The following KIF26B variants were observed in gnomAD, a reference collection of about 807,000 sequenced individuals.
The protein encoded by KIF26B is kinesin-like protein KIF26B.
A neutral mutation model predicts 151.2 loss-of-function variants in KIF26B; 63 were observed. The ratio of observed to expected loss-of-function variants is 0.42; its 90% confidence interval spans 0.34 to 0.51. The LOEUF (loss-of-function observed/expected upper bound fraction) is 0.51. Ranked by LOEUF, KIF26B falls within the 20% of genes least tolerant of loss-of-function variation. The pLI is 0.07. For synonymous variants in KIF26B, 1,357 were observed against 1,262.1 expected (o/e 1.08, Z -1.59); for missense variants, 2,813 against 2,913.6 (o/e 0.97, Z 0.79).
At chr1:245,345,935 CTT>C (rs773751148) in intron 2 of KIF26B, among the ~76,000 whole-genome samples, 26 of 123,588 alleles carry the variant, frequency 2.1e-4, no homozygotes, top group Non-Finnish European at 1.7e-4. Flanking sequence ...TTCTTTCTTT[CTT>C]TTTTTTTTTT....
At chr1:245,505,140 G>A (rs1312497894) in intron 4 of KIF26B, among the ~76,000 whole-genome samples, 1 of 151,520 alleles carries the variant, frequency 6.6e-6, no homozygotes, top group Non-Finnish European at 1.5e-5. Flanking sequence ...GTTTCACCAT[G>A]TTGGCCAGGC....
intron 3 of KIF26B, among the ~76,000 whole-genome samples, chr1:245,411,474 G>C (rs566647361): frequency 6.6e-6 from 1 of 152,314 alleles, no homozygotes; most frequent in Admixed American, 6.5e-5. Flanking sequence ...CCTCCTCAGT[G>C]AGTCATTTCA....
chr1:245,341,230 GTCT>G (rs1448524693), intron 2 of KIF26B, among the ~76,000 whole-genome samples: 9 of 150,812 alleles, frequency 6.0e-5, no homozygotes, highest in Non-Finnish European at 1.3e-4. Flanking sequence ...CTAAAGGGAA[GTCT>G]TCTTCAGTCT....
chr1:245,336,987 G>GGT (rs1220852393), intron 2 of KIF26B, among the ~76,000 whole-genome samples: 1 of 152,144 alleles, frequency 6.6e-6, no homozygotes, highest in Non-Finnish European at 1.5e-5. Flanking sequence ...TCTTTCTGCA[G>GGT]GTTTGTGACT....
At chr1:245,613,157 G>A (rs528127136) in intron 9 of KIF26B, among the ~76,000 whole-genome samples, 26 of 152,244 alleles carry the variant, frequency 1.7e-4, no homozygotes, top group African/African-American at 5.5e-4. Flanking sequence ...GGCTCCCAGC[G>A]CTTTCTGCAT....
intron 10 of KIF26B, among the ~76,000 whole-genome samples, chr1:245,677,063 C>G (rs559368574): frequency 6.6e-6 from 1 of 152,320 alleles, no homozygotes; most frequent in African/African-American, 2.4e-5. Flanking sequence ...AAAAAGAGAT[C>G]GATGAGCAAA....
chr1:245,690,872 T>C (rs1217042694), intron 12 of KIF26B, among the ~76,000 whole-genome samples: 1 of 152,236 alleles, frequency 6.6e-6, no homozygotes, highest in African/African-American at 2.4e-5. Context: ...CCGTGTAACG[T>C]AGCAGCTTCT....
chr1:245,347,405 T>A (rs915818264), intron 2 of KIF26B, among the ~76,000 whole-genome samples: 2 of 152,066 alleles, frequency 1.3e-5, no homozygotes, highest in African/African-American at 4.8e-5. Flanking sequence ...CCTGTAGCCT[T>A]GAACTCCTGG....
At chr1:245,243,180 A>G (rs1054617379) in intron 2 of KIF26B, among the ~76,000 whole-genome samples, 1 of 152,194 alleles carries the variant, frequency 6.6e-6, no homozygotes, top group African/African-American at 2.4e-5. Context: ...CCAGTTGGAC[A>G]TGCCCATCCT....
intron 2 of KIF26B, among the ~76,000 whole-genome samples, chr1:245,331,578 G>A (rs145288762): frequency 1.6e-3 from 251 of 152,268 alleles, no homozygotes; most frequent in African/African-American, 5.7e-3. Context: ...TCCAGGGAGC[G>A]TGGGACTGTC....
intron 2 of KIF26B, among the ~76,000 whole-genome samples, chr1:245,189,100 T>A (rs1669050301): frequency 1.3e-5 from 2 of 152,172 alleles, no homozygotes; most frequent in Admixed American, 1.3e-4. Context: ...TTCGGGAAGA[T>A]GAAAAAGTTC....
At chr1:245,648,877 T>C (rs2043982061) in intron 10 of KIF26B, among the ~76,000 whole-genome samples, 1 of 152,128 alleles carries the variant, frequency 6.6e-6, no homozygotes, top group Admixed American at 6.5e-5. Flanking sequence ...TTCCATGCAG[T>C]GTCAGCACAA....
At chr1:245,578,207 A>G (rs935945656) in intron 5 of KIF26B, among the ~76,000 whole-genome samples, 1 of 152,256 alleles carries the variant, frequency 6.6e-6, no homozygotes, top group African/African-American at 2.4e-5. Context: ...TTTAGGGGAA[A>G]GAACAGAAGA....
intron 2 of KIF26B, among the ~76,000 whole-genome samples, chr1:245,199,795 A>G (rs1236382755): frequency 6.8e-6 from 1 of 148,134 alleles, no homozygotes; most frequent in Non-Finnish European, 1.5e-5. Flanking sequence ...ATGTATCCAC[A>G]TATCTACTCA....
intron 2 of KIF26B, among the ~76,000 whole-genome samples, chr1:245,292,143 C>T (rs142071327): frequency 3.3e-5 from 5 of 152,302 alleles, no homozygotes; most frequent in East Asian, 1.9e-4. Flanking sequence ...CTCTACCCAG[C>T]GGGGTGTGAG....
intron 4 of KIF26B, among the ~76,000 whole-genome samples, chr1:245,508,896 ACTTTTT>A (rs543297717): frequency 1.2e-3 from 176 of 152,242 alleles, no homozygotes; most frequent in African/African-American, 3.6e-3. Flanking sequence ...GCTCCTTAAA[ACTTTTT>A]CTTTTCATTT....
intron 3 of KIF26B, among the ~76,000 whole-genome samples, chr1:245,368,088 T>C (rs985137927): frequency 7.9e-5 from 12 of 152,190 alleles, no homozygotes; most frequent in African/African-American, 2.9e-4. Context: ...GCCTTCCCTG[T>C]CTATACCTTC....
At chr1:245,573,294 C>T (rs761146831) in intron 5 of KIF26B, among the ~76,000 whole-genome samples, 87 of 152,240 alleles carry the variant, frequency 5.7e-4, no homozygotes, top group Non-Finnish European at 2.2e-4. Context: ...GAGGCCAACG[C>T]GGGTGGATCA....
At chr1:245,439,007 T>C (rs1659000075) in intron 4 of KIF26B, among the ~76,000 whole-genome samples, 1 of 152,150 alleles carries the variant, frequency 6.6e-6, no homozygotes, top group Non-Finnish European at 1.5e-5. Flanking sequence ...ATGACAAAAC[T>C]CATCAAAGTG....
Sources: allele counts gnomAD v4.1 joint callset (sites outside exome capture counted in the v4.1 genomes callset), GRCh38; gene constraint gnomAD v4.1.1; transcripts MANE v1.5; gene names NCBI Gene and HGNC (gene_info 2026-07-23, HGNC 2026-07-21).